Variants in NID2 observed in about 807,000 individuals in gnomAD.
The protein encoded by NID2 is nidogen 2.
In NID2, 83 loss-of-function variants were observed where a neutral mutation model predicts 145.4. That is an observed-to-expected ratio of 0.57 (90% CI 0.48 to 0.69). The LOEUF is 0.69. Among genes scored for constraint, NID2 ranks in the 30% least tolerant of loss-of-function variants. The pLI is 0.00. For missense variants in NID2, 1,807 were observed against 1,765.7 expected, an observed-to-expected ratio of 1.02 and a Z score of -0.42; for synonymous variants, 739 against 701.3, an observed-to-expected ratio of 1.05 and a Z score of -0.85.
chr14:52,007,307 C>G (rs149176278), intron 19 of NID2: 1 of 155,734 alleles, frequency 6.4e-6, no homozygotes, highest in Non-Finnish European at 1.4e-5. Flanking sequence ...CAAGAACAGT[C>G]TTTTTCATAT....
intron 5 of NID2, 63 bp downstream of exon 5, chr14:52,053,516 A>G (rs1892743133): frequency 6.5e-7 from 1 of 1,528,858 alleles, no homozygotes; most frequent in Admixed American, 2.0e-5. Flanking sequence ...AAAAATCACA[A>G]CGCTATGCAA....
chr14:52,033,383 AC>A (rs1374934129), intron 9 of NID2, among the ~76,000 whole-genome samples: 7 of 152,236 alleles, frequency 4.6e-5, no homozygotes, highest in Admixed American at 3.9e-4. Context: ...GTGTTTTATG[AC>A]CCCACAAAAC....
In NID2 at chr14:52,014,420, G is replaced by T. The variant is rs779949013; in HGVS notation, c.3287C>A (p.Thr1096Lys). Residue 1096 changes from threonine (T) to lysine (K), a missense_variant, in exon 16 of 22, where the codon ACG becomes AAG. By Grantham distance (78) the Thr-to-Lys change is moderately conservative (BLOSUM62 -1). Coordinates refer to ENST00000216286, the MANE Select transcript of NID2 (RefSeq NM_007361.4). The part of the protein sequence containing the change: ...PTVAPPMVRP[T>K]PRPDVTPPSV... Reference sequence around the variant, plus strand: ...TGGAGGGGTCACATCTGGCCGGGGCGTGGGCCGGACCATGGGTGGAGCGAC... The same window carrying T: ...TGGAGGGGTCACATCTGGCCGGGGCTTGGGCCGGACCATGGGTGGAGCGAC... 9.3e-6 allele frequency: 15 copies of T among 1,613,780 alleles called. No individual in the cohort carries two copies. The highest frequency in any genetic ancestry group is 3.3e-5 in the Admixed American group (2 of 59,962).
At position 52,041,347 on chromosome 14, in the gene NID2, G is replaced by A. The variant is rs147403464; in HGVS notation, c.1826-496C>T. Among the ~76,000 whole-genome samples the A allele has an allele frequency of 1.5e-4, 23 of 151,988 alleles. No homozygotes were observed. In the East Asian group the frequency reaches 4.4e-3, roughly 29 times the overall value. On this transcript the variant is annotated intron_variant, in intron 7 of 21. Coordinates refer to ENST00000216286, the MANE Select transcript of NID2 (RefSeq NM_007361.4). The stretch of plus-strand genomic sequence containing the variant: ...ATTTTTTATCTACTTTTGACCCAAG[G>A]GCTTTATTCAAATTTTGATTAAAGC...
chr14:52,068,577 C>G (rs1041386162), intron 1 of NID2, among the ~76,000 whole-genome samples, 190 bp downstream of exon 1: 1 of 152,228 alleles, frequency 6.6e-6, no homozygotes, highest in Non-Finnish European at 1.5e-5. Flanking sequence ...GCTCTCCCCT[C>G]CAGGTCATTC....
At chr14:52,017,208 T>C (rs1440638866) in intron 14 of NID2, among the ~76,000 whole-genome samples, 1 of 152,210 alleles carries the variant, frequency 6.6e-6, no homozygotes, top group African/African-American at 2.4e-5. Flanking sequence ...CAAAGAGACA[T>C]GCCTAACTCC....
At chr14:52,034,794 G>A (rs1376578768) in intron 9 of NID2, among the ~76,000 whole-genome samples, 2 of 152,180 alleles carry the variant, frequency 1.3e-5, no homozygotes, top group South Asian at 2.1e-4. Context: ...GCTGAATTGA[G>A]GAAGATGGTT....
chr14:52,007,515 TTAAG>T (rs1890831643), intron 19 of NID2: 1 of 359,812 alleles, frequency 2.8e-6, no homozygotes, highest in Admixed American at 4.8e-5. Flanking sequence ...ATAACTTCAC[TTAAG>T]TTTGTCAATT....
intron 2 of NID2, among the ~76,000 whole-genome samples, chr14:52,064,433 G>A (rs1480767778): frequency 6.6e-6 from 1 of 152,234 alleles, no homozygotes; most frequent in East Asian, 1.9e-4. Context: ...CGACAAAGCT[G>A]AGTGTGCTAA....
rs1193338120 is a variant in NID2, at chr14:52,015,326, G to A, written c.3029-51C>T. On this transcript the variant is annotated intron_variant, in intron 14 of 21. Coordinates refer to ENST00000216286, the MANE Select transcript of NID2 (RefSeq NM_007361.4). ...AGAAAAACCTTTGATTGTGAGTCAA[G>A]GACAGAATGCAAAATGTAGCTCAAG... 5.9e-6 allele frequency: 9 copies of A among 1,528,306 alleles called. No homozygotes were observed. In the African/African-American group the frequency reaches 1.2e-4, roughly 21 times the overall value. 94.7% of individuals were successfully genotyped at this position (1,528,306 alleles called of 1,614,324 possible). A position where few individuals can be genotyped will look rare whatever the true frequency, so the allele number is the denominator to read the frequency against.
Position 52,005,754 on chromosome 14 carries a change from T to C in NID2, c.4100A>G (p.Tyr1367Cys). 1 of 1,612,750 alleles carries C rather than the reference T, an allele frequency of 6.2e-7. No individual in the cohort carries two copies. Among genetic ancestry groups the C allele is most frequent in the South Asian group, 1.1e-5 (1 of 91,038 alleles). The part of the protein sequence containing the change: ...RSHLYGITAV[Y>C]PYCPTGRK ...CTTTTTACCTGTTGGGCAGTAGGGG[T>C]AGACTGCAGTTATCCCGTAGAGGTG... The change falls in exon 21 of 22, where the codon TAC (tyrosine) becomes TGC (cysteine). Residue 1367 changes from tyrosine (Y) to cysteine (C), a missense_variant. Transcript: ENST00000216286.
intron 9 of NID2, among the ~76,000 whole-genome samples, chr14:52,034,712 C>A (rs1350653754): frequency 1.3e-5 from 2 of 152,220 alleles, no homozygotes; most frequent in African/African-American, 2.4e-5. Flanking sequence ...TAACAAAGCA[C>A]AGAACCGCGT....
chr14:52,014,263 C>T (rs766317043), intron 16 of NID2, 24 bp downstream of exon 16: 5 of 1,614,164 alleles, frequency 3.1e-6, no homozygotes, highest in African/African-American at 1.3e-5. Flanking sequence ...CAGCCCTGCC[C>T]CCTACAGGAG....
chr14:52,063,822 A>G (rs1893098874), intron 2 of NID2, among the ~76,000 whole-genome samples: 1 of 152,182 alleles, frequency 6.6e-6, no homozygotes, highest in Non-Finnish European at 1.5e-5. Flanking sequence ...ACACTGTCAC[A>G]TGGGGGACTG....
At chr14:52,027,414 A>G (rs1891628831) in intron 11 of NID2, 70 bp from the exon 12 acceptor site, 2 of 1,356,876 alleles carry the variant, frequency 1.5e-6, no homozygotes, top group Non-Finnish European at 1.9e-6. Context: ...TCCTCATGGC[A>G]TGATCCACAG....
At chr14:52,038,591 G>C (rs1892158181) in intron 9 of NID2, among the ~76,000 whole-genome samples, 156 bp downstream of exon 9, 1 of 152,110 alleles carries the variant, frequency 6.6e-6, no homozygotes, top group Admixed American at 6.5e-5. Flanking sequence ...TTCTGCCTCT[G>C]TTTCCAACTC....
In NID2 at chr14:52,067,900, G is replaced by T. The variant is rs571316339; in HGVS notation, c.492C>A (p.Gly164=). ...CCCCGCGCTTGACCTCCTCGTAAGC[G>T]CCTACCTGCTCCCAGGTGGCCAGGA... ...HAFLATWEQV[G]AYEEVKRGAL... Residue 164 remains glycine, a synonymous_variant, in exon 2 of 22, where the codon GGC becomes GGA. Coordinates refer to ENST00000216286, the MANE Select transcript of NID2 (RefSeq NM_007361.4). 50 of 1,612,868 alleles carry T rather than the reference G, an allele frequency of 3.1e-5. No individual in the cohort carries two copies. The African/African-American group carries it at 6.1e-4, about 20-fold the overall frequency.
In NID2 at chr14:52,010,944, A is replaced by T; in HGVS notation, c.3654T>A (p.Ser1218=). The T allele has an allele frequency of 6.2e-7, 1 of 1,614,140 alleles. No individual in the cohort carries two copies. Among genetic ancestry groups the T allele is most frequent in the South Asian group, 1.1e-5 (1 of 91,082 alleles). The part of the protein sequence containing the change: ...DKIESALLDG[S]ERKVLFYTDL... The stretch of plus-strand genomic sequence containing the variant: ...CTGTGTAGAAGAGGACCTTGCGCTC[A>T]GAGCCATCCAGCAGGGCGCTCTCTA... The change falls in exon 18 of 22, where the codon TCT becomes TCA. Residue 1218 remains serine, a synonymous_variant. Coordinates refer to ENST00000216286, the MANE Select transcript of NID2 (RefSeq NM_007361.4).
chr14:52,015,086 C>T lies in NID2; in HGVS notation c.3218G>A (p.Gly1073Asp), dbSNP rs1595006005. Reference protein sequence around the residue: ...CVDKDGREVQGTRSQPGTTPA... With the variant: ...CVDKDGREVQDTRSQPGTTPA... ...GGTGGTGCCTGGCTGGGAGCGGGTGCCCTGCACCTCTCTGCCATCTTTGTC... is the reference window on the plus strand; with the variant it reads ...GGTGGTGCCTGGCTGGGAGCGGGTGTCCTGCACCTCTCTGCCATCTTTGTC... Residue 1073 changes from glycine to aspartate, a missense_variant, in exon 15 of 22, where the codon GGC (glycine) becomes GAC (aspartate). By Grantham distance (94) the Gly-to-Asp change is moderately conservative. Coordinates refer to ENST00000216286, the MANE Select transcript of NID2 (RefSeq NM_007361.4). 1.2e-6 allele frequency: 2 copies of T among 1,613,992 alleles called. No homozygotes were observed. Among genetic ancestry groups the T allele is most frequent in the South Asian group, 1.1e-5 (1 of 91,062 alleles).
Sources: allele counts gnomAD v4.1 joint callset (sites outside exome capture counted in the v4.1 genomes callset), GRCh38; gene constraint gnomAD v4.1.1; transcripts MANE v1.5; gene names NCBI Gene and HGNC (gene_info 2026-07-23, HGNC 2026-07-21).